FAT3: variants seen among roughly 807,000 people sequenced by gnomAD.
FAT3 encodes the protein FAT atypical cadherin 3, also known as protocadherin Fat 3.
FAT3 carries 95 observed loss-of-function variants against 310.2 expected under a neutral mutation model. The observed-to-expected ratio is 0.31, with a 90% CI of 0.26 to 0.36. FAT3 has a LOEUF of 0.36. Ranked by LOEUF, FAT3 falls within the 10% of genes least tolerant of loss-of-function variation. The pLI is 1.00. For synonymous variants in FAT3, 2,314 were observed against 2,192.9 expected (o/e 1.06, Z -1.54); for missense variants, 5,408 against 5,715.6 (o/e 0.95, Z 1.74).
At chr11:92,627,951 A>G (rs565928035) in intron 3 of FAT3, among the ~76,000 whole-genome samples, 1 of 152,344 alleles carries the variant, frequency 6.6e-6, no homozygotes, top group African/African-American at 2.4e-5. Flanking sequence ...TGAAGCCAGG[A>G]GACAGGTCTG....
In FAT3 at chr11:92,801,340, G is replaced by A; in HGVS notation, c.8327G>A (p.Ser2776Asn). 6.2e-7 allele frequency: 1 copy of A among 1,613,966 alleles called. No homozygotes were observed. The highest frequency in any genetic ancestry group is 1.1e-5 in the South Asian group (1 of 91,070). ...GACAAACGCCTTGACCGTGAAACCA[G>A]CCCAGCTTTCCACTTTAAAGTAGCA... ...KLDKRLDRET[S>N]PAFHFKVAAT... Residue 2776 changes from serine to asparagine, a missense_variant, in exon 10 of 28, where the codon AGC (serine) becomes AAC (asparagine). By Grantham distance (46) the Ser-to-Asn change is conservative. Coordinates refer to ENST00000525166, the MANE Select transcript of FAT3 (RefSeq NM_001367949.2).
At chr11:92,860,340 A>C (rs1414134586) in intron 21 of FAT3, among the ~76,000 whole-genome samples, 2 of 152,198 alleles carry the variant, frequency 1.3e-5, no homozygotes, top group Non-Finnish European at 2.9e-5. Context: ...CCCACACTCT[A>C]GTCTCTCTCA....
chr11:92,312,541 A>G (rs1019118418), intron 1 of FAT3, among the ~76,000 whole-genome samples: 1 of 152,186 alleles, frequency 6.6e-6, no homozygotes, highest in Admixed American at 6.5e-5. Flanking sequence ...CTTCTGTATC[A>G]GTAATACTAG....
intron 2 of FAT3, among the ~76,000 whole-genome samples, chr11:92,405,648 G>C (rs1042486740): frequency 1.3e-5 from 2 of 152,138 alleles, no homozygotes; most frequent in Non-Finnish European, 2.9e-5. Context: ...CTACTCAGGA[G>C]GCTGAAGTGG....
intron 3 of FAT3, among the ~76,000 whole-genome samples, chr11:92,632,641 A>T (rs1273572449): frequency 6.6e-6 from 1 of 152,198 alleles, no homozygotes. Context: ...TAAGAAGGTA[A>T]ACAAGGCAAG....
intron 3 of FAT3, among the ~76,000 whole-genome samples, chr11:92,595,638 TA>T (rs1939667270): frequency 6.6e-6 from 1 of 152,214 alleles, no homozygotes; most frequent in Non-Finnish European, 1.5e-5. Context: ...AAGTCCTTTA[TA>T]AAGGCAAGCT....
intron 15 of FAT3, 103 bp downstream of exon 15, chr11:92,835,187 C>A: frequency 1.1e-6 from 1 of 922,572 alleles, no homozygotes; most frequent in Non-Finnish European, 1.6e-6. Flanking sequence ...TTCACACTTC[C>A]CCCTTTCAGT....
chr11:92,359,474 ACTTT>A (rs932597906), intron 2 of FAT3, among the ~76,000 whole-genome samples: 32 of 151,710 alleles, frequency 2.1e-4, no homozygotes, highest in African/African-American at 7.5e-4. Context: ...TATGTTCTTG[ACTTT>A]CTTTTTTTTT....
chr11:92,575,555 C>A (rs909076985), intron 3 of FAT3, among the ~76,000 whole-genome samples: 2 of 152,124 alleles, frequency 1.3e-5, no homozygotes, highest in Admixed American at 6.6e-5. Flanking sequence ...GGAGTTCACC[C>A]TTTGACAATG....
chr11:92,795,628 A>G (rs1002644062), intron 9 of FAT3, among the ~76,000 whole-genome samples: 6 of 152,044 alleles, frequency 3.9e-5, no homozygotes, highest in Non-Finnish European at 8.8e-5. Flanking sequence ...TTTCTACTTG[A>G]GGCCAGGCAC....
chr11:92,625,748 T>C (rs1387704961), intron 3 of FAT3, among the ~76,000 whole-genome samples: 1 of 152,090 alleles, frequency 6.6e-6, no homozygotes, highest in Non-Finnish European at 1.5e-5. Context: ...ACTTTTTTTT[T>C]TTTTTGAACA....
rs114979771 is a variant in FAT3 at position 92,868,033 on chromosome 11, A to G, written c.12127+824A>G. Among the ~76,000 whole-genome samples the G allele has an allele frequency of 3.7e-3, 562 of 152,318 alleles. 3 individuals carry two copies. The highest frequency in any genetic ancestry group is 0.013 in the African/African-American group (534 of 41,576). On this transcript the variant is annotated intron_variant, in intron 22 of 27. Transcript: ENST00000525166. Reference sequence around the variant, plus strand: ...TTTACCAAGATGCAGTGTCTGTGTTAATGTAAACTAGGTCAGACATGCTCC... The same window carrying G: ...TTTACCAAGATGCAGTGTCTGTGTTGATGTAAACTAGGTCAGACATGCTCC...
intron 14 of FAT3, among the ~76,000 whole-genome samples, chr11:92,834,075 G>A (rs1056662377): frequency 1.3e-5 from 2 of 152,184 alleles, no homozygotes; most frequent in Admixed American, 1.3e-4. Flanking sequence ...GAAAATAAAT[G>A]CCCTTGAGAA....
Position 92,798,568 on chromosome 11 carries a change from A to G in FAT3, c.5555A>G (p.His1852Arg). ...ETIAHFHFHV[H>R]VRDSGSPQLT... ...ATTGCCCATTTCCATTTTCATGTGC[A>G]TGTGAGAGACAGTGGTAGCCCCCAA... The change falls in exon 10 of 28, where the codon CAT (histidine) becomes CGT (arginine). Residue 1852 changes from histidine to arginine, a missense_variant. Around this residue, in one of 5 missense-constraint regions of FAT3, gnomAD observed 4,588 missense variants for 4,809.8 expected, o/e 0.95. Coordinates refer to ENST00000525166, the MANE Select transcript of FAT3 (RefSeq NM_001367949.2). The G allele has an allele frequency of 6.2e-7, 1 of 1,613,774 alleles. No individual in the cohort carries two copies. Among genetic ancestry groups the G allele is most frequent in the Non-Finnish European group, 8.5e-7 (1 of 1,179,758 alleles).
chr11:92,523,208 A>G (rs772744676), intron 2 of FAT3, among the ~76,000 whole-genome samples: 11 of 152,040 alleles, frequency 7.2e-5, no homozygotes, highest in Middle Eastern at 3.4e-3. Flanking sequence ...TTCCTATTCT[A>G]TTGTCTAGTA....
At chr11:92,634,625 G>T (rs1442469863) in intron 3 of FAT3, among the ~76,000 whole-genome samples, 1 of 152,172 alleles carries the variant, frequency 6.6e-6, no homozygotes, top group Non-Finnish European at 1.5e-5. Context: ...GAGATCCTCT[G>T]CAGGAGTTCC....
intron 2 of FAT3, among the ~76,000 whole-genome samples, chr11:92,442,184 G>A (rs1951091145): frequency 7.8e-6 from 1 of 128,654 alleles, no homozygotes; most frequent in African/African-American, 2.9e-5. Flanking sequence ...CTTGATCTTG[G>A]CTCACTACAA....
chr11:92,644,694 A>C (rs972747387), intron 3 of FAT3, among the ~76,000 whole-genome samples: 26 of 152,246 alleles, frequency 1.7e-4, no homozygotes, highest in African/African-American at 6.3e-4. Flanking sequence ...AAACCCATAA[A>C]GATGACATAC....
intron 7 of FAT3, among the ~76,000 whole-genome samples, chr11:92,783,357 C>CAAAAAAA (rs35357267): frequency 1.1e-4 from 5 of 45,040 alleles, no homozygotes; most frequent in South Asian, 1.2e-3. Flanking sequence ...GACTCCATCT[C>CAAAAAAA]AAAAAAAAAA....
Sources: allele counts gnomAD v4.1 joint callset (sites outside exome capture counted in the v4.1 genomes callset), GRCh38; gene constraint gnomAD v4.1.1; regional missense constraint gnomAD v4.1.1; transcripts MANE v1.5; gene names NCBI Gene and HGNC (gene_info 2026-07-23, HGNC 2026-07-21).